The following SHROOM4 variants were observed in gnomAD, a reference collection of about 807,000 sequenced individuals.
SHROOM4 encodes shroom family member 4.
SHROOM4 carries 17 observed loss-of-function variants against 80.3 expected under a neutral mutation model. That is an observed-to-expected ratio of 0.21 (90% confidence interval 0.14 to 0.32). The LOEUF is 0.32. Ranked by LOEUF, SHROOM4 falls within the 10% of genes least tolerant of loss-of-function variation. The pLI, the probability that SHROOM4 is intolerant of heterozygous loss-of-function variation, is 1.00. For missense variants in SHROOM4, 993 were observed against 1,140.3 expected, an observed-to-expected ratio of 0.87 and a Z score of 1.86; for synonymous variants, 400 against 437.5, an observed-to-expected ratio of 0.91 and a Z score of 1.07.
intron 5 of SHROOM4, 65 bp from the exon 6 acceptor site, chrX:50,608,249 GACA>G: frequency 9.5e-7 from 1 of 1,052,662 alleles, no homozygotes; most frequent in Non-Finnish European, 1.3e-6. Flanking sequence ...TATTTTGGAT[GACA>G]ACATTTATAT....
intron 1 of SHROOM4, among the ~76,000 whole-genome samples, chrX:50,723,651 C>T (rs1557265659): frequency 9.0e-6 from 1 of 111,482 alleles, no homozygotes; most frequent in Admixed American, 9.5e-5. Flanking sequence ...TACAGTCAGT[C>T]CATGTTCCTT....
At chrX:50,758,691 G>A (rs782075722) in intron 1 of SHROOM4, among the ~76,000 whole-genome samples, 3 of 111,785 alleles carry the variant, frequency 2.7e-5, no homozygotes, top group Admixed American at 9.5e-5. Flanking sequence ...TGTAGAATGA[G>A]TTGACGCTTA....
At chrX:50,648,340 T>G (rs1315273959) in intron 2 of SHROOM4, among the ~76,000 whole-genome samples, 1 of 112,020 alleles carries the variant, frequency 8.9e-6, no homozygotes, top group Non-Finnish European at 1.9e-5. Context: ...TATTCATTCC[T>G]GAAACTGAGT....
chrX:50,794,354 ATGT>A (rs1222032621), intron 1 of SHROOM4, among the ~76,000 whole-genome samples: 1 of 111,166 alleles, frequency 9.0e-6, no homozygotes, highest in East Asian at 2.8e-4. Flanking sequence ...GTAGTAAATC[ATGT>A]TGTTGTCTAA....
Position 50,596,645 on chromosome X carries a change from G to A in SHROOM4, c.*50C>T. The stretch of plus-strand genomic sequence containing the variant: ...AAACTGCTAACAAAGAAGATTGAAA[G>A]CACTTCCCACATGGCTGGGCAGGGA... On this transcript the variant is annotated 3_prime_UTR_variant, in exon 9 of 9. Transcript: ENST00000376020. The A allele has an allele frequency of 1.7e-6, 2 of 1,198,691 alleles. No homozygotes were observed. The highest frequency in any genetic ancestry group is 1.1e-6 in the Non-Finnish European group (1 of 891,098).
intron 2 of SHROOM4, among the ~76,000 whole-genome samples, chrX:50,639,545 T>A (rs781845934): frequency 9.0e-6 from 1 of 111,541 alleles, no homozygotes. Flanking sequence ...AATTTATTCA[T>A]ATTTACTGTG....
intron 8 of SHROOM4, 91 bp downstream of exon 8, chrX:50,598,175 T>A: frequency 8.8e-7 from 1 of 1,130,454 alleles, no homozygotes; most frequent in Non-Finnish European, 1.2e-6. Flanking sequence ...TGCTCTACTG[T>A]TTCCTATAGT....
At chrX:50,609,090 C>T (rs1008825120) in intron 5 of SHROOM4, among the ~76,000 whole-genome samples, 55 of 110,158 alleles carry the variant, frequency 5.0e-4, no homozygotes, top group African/African-American at 1.7e-3. Flanking sequence ...TAGCAAGACC[C>T]TGTCTCTAAA....
intron 2 of SHROOM4, among the ~76,000 whole-genome samples, chrX:50,640,784 C>T (rs782555073): frequency 2.7e-5 from 3 of 112,191 alleles, no homozygotes; most frequent in South Asian, 7.4e-4. Context: ...TGATTCTGTG[C>T]CTTTGCTGTT....
intron 1 of SHROOM4, among the ~76,000 whole-genome samples, chrX:50,741,102 A>G (rs963794777): frequency 7.2e-5 from 8 of 111,493 alleles, no homozygotes; most frequent in African/African-American, 2.6e-4. Context: ...TTGATTGTAA[A>G]TGTATGGGTG....
At chrX:50,618,282 T>C (rs782285561) in intron 5 of SHROOM4, among the ~76,000 whole-genome samples, 6 of 66 alleles carry the variant, frequency 0.091, no homozygotes, top group Non-Finnish European at 0.1. Flanking sequence ...CTCTTCCCCT[T>C]CCTTCCTTCC....
intron 1 of SHROOM4, among the ~76,000 whole-genome samples, chrX:50,743,054 T>C (rs1557267355): frequency 9.0e-6 from 1 of 110,794 alleles, no homozygotes; most frequent in Non-Finnish European, 1.9e-5. Context: ...GCTTTGGCCA[T>C]TGGGACCTCT....
intron 1 of SHROOM4, among the ~76,000 whole-genome samples, chrX:50,765,802 C>A (rs1429722405): frequency 8.9e-6 from 1 of 111,876 alleles, no homozygotes; most frequent in Non-Finnish European, 1.9e-5. Flanking sequence ...CACTGTTATA[C>A]CCTTAAACTT....
intron 2 of SHROOM4, among the ~76,000 whole-genome samples, chrX:50,651,333 T>G (rs557046552): frequency 8.9e-6 from 1 of 112,383 alleles, no homozygotes. Flanking sequence ...TTCATTCTCA[T>G]AACCTTACTA....
intron 1 of SHROOM4, among the ~76,000 whole-genome samples, chrX:50,697,967 G>C (rs1223097555): frequency 8.9e-6 from 1 of 111,923 alleles, no homozygotes; most frequent in Non-Finnish European, 1.9e-5. Flanking sequence ...ACAAACAGAA[G>C]TCTAACTAAT....
rs1931320868 is a variant in SHROOM4, at chrX:50,635,649, A to G, written c.424T>C (p.Cys142Arg). Reference protein sequence around the residue: ...CNTSDVCVQWCPLSRHCSTEK... With the variant: ...CNTSDVCVQWRPLSRHCSTEK... Reference sequence around the variant, plus strand: ...GTGCTGCAATGCCGGGAGAGTGGACACCACTGCACACACACGTCACTGTAA... The same window carrying G: ...GTGCTGCAATGCCGGGAGAGTGGACGCCACTGCACACACACGTCACTGTAA... The change falls in exon 4 of 9, where the codon TGT (cysteine) becomes CGT (arginine). Residue 142 changes from cysteine (C) to arginine (R), a missense_variant. Coordinates refer to ENST00000376020, the MANE Select transcript of SHROOM4 (RefSeq NM_020717.5). 1.7e-6 allele frequency: 2 copies of G among 1,207,957 alleles called. No homozygotes were observed. The highest frequency in any genetic ancestry group is 2.2e-6 in the Non-Finnish European group (2 of 894,480).
At chrX:50,577,815 T>C in the SHROOM4 span, among the ~76,000 whole-genome samples, 2 of 111,127 alleles carry the variant, frequency 1.8e-5, no homozygotes, top group Non-Finnish European at 3.8e-5. Context: ...TGAAAACAGA[T>C]AGGGACTCCC....
At chrX:50,813,589 TC>T (rs1470072305) in intron 1 of SHROOM4, among the ~76,000 whole-genome samples, 1 of 112,074 alleles carries the variant, frequency 8.9e-6, no homozygotes, top group African/African-American at 3.2e-5. Flanking sequence ...AGCCTCCACT[TC>T]CTTCGGCCCA....
intron 1 of SHROOM4, among the ~76,000 whole-genome samples, chrX:50,782,574 C>A (rs1332117404): frequency 1.8e-5 from 2 of 111,677 alleles, no homozygotes; most frequent in Non-Finnish European, 1.9e-5. Flanking sequence ...AGAGAAGTTA[C>A]ATAGTGAAAA....
Sources: gnomAD v4.1 joint callset for allele counts (sites outside exome capture counted in the v4.1 genomes callset) on GRCh38, gnomAD v4.1.1 for gene constraint, MANE v1.5 for transcripts, NCBI Gene and HGNC (gene_info 2026-07-23, HGNC 2026-07-21) for gene names.